The following SLC25A31 variants were observed in gnomAD, a reference collection of about 807,000 sequenced individuals.
SLC25A31 encodes ADP/ATP translocase 4.
In SLC25A31, 40 loss-of-function variants were observed where a neutral mutation model predicts 36.2. The observed-to-expected ratio is 1.10, with a 90% CI of 0.86 to 1.44. The LOEUF (loss-of-function observed/expected upper bound fraction) is 1.44, where lower values mean the gene tolerates loss of function less well. SLC25A31 is among the 40% of genes most tolerant of loss of function. The pLI is 0.00. For missense variants in SLC25A31, 350 were observed against 397.1 expected, an observed-to-expected ratio of 0.88 and a Z score of 1.01; for synonymous variants, 143 against 149.7, an observed-to-expected ratio of 0.96 and a Z score of 0.32.
intron 2 of SLC25A31, among the ~76,000 whole-genome samples, chr4:127,762,006 A>G (rs1578668865): frequency 6.6e-6 from 1 of 152,220 alleles, no homozygotes; most frequent in Non-Finnish European, 1.5e-5. Flanking sequence ...TGCTTATACA[A>G]TAAAACTGAT....
Position 127,744,686 on chromosome 4 carries a change from T to G in SLC25A31, c.247T>G (p.Trp83Gly), listed in dbSNP as rs1221696274. Residue 83 changes from tryptophan (W) to glycine (G), a missense_variant, in exon 2 of 6, where the codon TGG (tryptophan) becomes GGG (glycine). Coordinates refer to ENST00000281154, the MANE Select transcript of SLC25A31 (RefSeq NM_031291.4). ...TCCCTCTGTAGGTTTCTTCAGTTTT[T>G]GGCGTGGCAATTTGGCAAATGTTAT... Reference protein sequence around the residue: ...IPREQGFFSFWRGNLANVIRY... With the variant: ...IPREQGFFSFGRGNLANVIRY... 1.3e-5 allele frequency: 21 copies of G among 1,598,470 alleles called. No individual in the cohort carries two copies. Among genetic ancestry groups the G allele is most frequent in the Non-Finnish European group, 1.7e-5 (20 of 1,173,154 alleles).
chr4:127,756,755 T>C (rs1732039436), intron 2 of SLC25A31, among the ~76,000 whole-genome samples: 1 of 152,140 alleles, frequency 6.6e-6, no homozygotes, highest in Admixed American at 6.5e-5. Flanking sequence ...ACCGAAAAAT[T>C]TTTTTAAGTC....
Position 127,730,517 on chromosome 4 carries a change from T to C in SLC25A31, c.-29T>C. On this transcript the variant is annotated 5_prime_UTR_variant, in exon 1 of 6. Transcript: ENST00000281154. ...AGCTCCCGTACTCATTTTTAGCCAC[T>C]GCTGCCGGTTTTTATATCCTTCTCC... 1 of 1,603,594 alleles carries C rather than the reference T, an allele frequency of 6.2e-7. No individual in the cohort carries two copies. Among genetic ancestry groups the C allele is most frequent in the Non-Finnish European group, 8.5e-7 (1 of 1,171,234 alleles).
intron 2 of SLC25A31, among the ~76,000 whole-genome samples, chr4:127,753,577 C>A (rs7668793): frequency 6.6e-6 from 1 of 151,994 alleles, no homozygotes; most frequent in Non-Finnish European, 1.5e-5. Flanking sequence ...ATTATGTAGC[C>A]TGGAAGAAAT....
rs1416784316 is a variant in SLC25A31 at position 127,771,853 on chromosome 4, CT to C, written c.760-1526del. Among the ~76,000 whole-genome samples, 5 of 152,246 alleles carry C rather than the reference CT, an allele frequency of 3.3e-5. No homozygotes were observed. In the South Asian group the frequency reaches 6.2e-4, roughly 19 times the overall value. ...TCTGTATCTGCTGAGATGATTAAAC[CT>C]TTTTTTCTTTTAATATGTTTACATA... On this transcript the variant is annotated intron_variant, in intron 5 of 5. Transcript: ENST00000281154.
chr4:127,764,220 A>G, intron 2 of SLC25A31, 23 bp from the exon 3 acceptor site: 1 of 1,591,072 alleles, frequency 6.3e-7, no homozygotes, highest in South Asian at 1.1e-5. Flanking sequence ...TTTAATAACC[A>G]CTTTTAAATT....
intron 1 of SLC25A31, among the ~76,000 whole-genome samples, chr4:127,732,944 T>C (rs1731557059): frequency 6.6e-6 from 1 of 152,258 alleles, no homozygotes; most frequent in Admixed American, 6.5e-5. Context: ...TTAAACGTCC[T>C]GCTGCTATAT....
intron 2 of SLC25A31, among the ~76,000 whole-genome samples, chr4:127,747,206 T>A (rs1025852194): frequency 1.1e-4 from 16 of 152,220 alleles, no homozygotes; most frequent in Non-Finnish European, 2.4e-4. Context: ...TTGGGTAACA[T>A]GATACCTCTA....
intron 2 of SLC25A31, among the ~76,000 whole-genome samples, chr4:127,749,143 C>T (rs1731876637): frequency 6.6e-6 from 1 of 150,456 alleles, no homozygotes; most frequent in Admixed American, 6.6e-5. Context: ...ACTGAAAAAG[C>T]TCAGTAGAGA....
intron 4 of SLC25A31, among the ~76,000 whole-genome samples, chr4:127,768,132 A>G (rs1732280796): frequency 6.6e-6 from 1 of 151,982 alleles, no homozygotes; most frequent in Admixed American, 6.5e-5. Context: ...AATTAATATC[A>G]GTATTATTTA....
intron 1 of SLC25A31, among the ~76,000 whole-genome samples, chr4:127,735,295 G>T (rs1396753473): frequency 6.6e-6 from 1 of 152,152 alleles, no homozygotes; most frequent in African/African-American, 2.4e-5. Context: ...TGAGATAATA[G>T]TAAATGGTGG....
At position 127,735,875 on chromosome 4, in the gene SLC25A31, TA is replaced by T. The variant is rs1560630388; in HGVS notation, c.232+5099del. The stretch of plus-strand genomic sequence containing the variant: ...ATGCCTAACATTCTTTTATTTTATT[TA>T]TTTATTTATTTATTTATTTATTTTT... On this transcript the variant is annotated intron_variant, in intron 1 of 5. Transcript: ENST00000281154. Among the ~76,000 whole-genome samples the T allele has an allele frequency of 4.3e-3, 331 of 77,870 alleles. 1 individual carries two copies. The highest frequency in any genetic ancestry group is 0.013 in the African/African-American group (304 of 23,490). 51.1% of individuals were successfully genotyped at this position (77,870 alleles called of 152,430 possible).
At chr4:127,762,171 A>C (rs1429871958) in intron 2 of SLC25A31, among the ~76,000 whole-genome samples, 1 of 152,222 alleles carries the variant, frequency 6.6e-6, no homozygotes, top group Non-Finnish European at 1.5e-5. Flanking sequence ...TCTTGGCCTC[A>C]AACAAATGGA....
rs1731758135 is a variant in SLC25A31 at position 127,742,950 on chromosome 4, A to G, written c.233-1722A>G. Among the ~76,000 whole-genome samples, 2 of 152,034 alleles carry G rather than the reference A, an allele frequency of 1.3e-5. 1 individual carries two copies. The highest frequency in any genetic ancestry group is 1.3e-4 in the Admixed American group (2 of 15,252). On this transcript the variant is annotated intron_variant, in intron 1 of 5. Transcript: ENST00000281154. ...GAACTTTTTCATTATCTTCCTGTTC[A>G]AAAATTGTTACAGCAGTTTCTTTTT...
chr4:127,771,119 G>A (rs1732351499), intron 5 of SLC25A31, among the ~76,000 whole-genome samples: 1 of 151,740 alleles, frequency 6.6e-6, no homozygotes, highest in Non-Finnish European at 1.5e-5. Flanking sequence ...GCCACACCCA[G>A]CTAATTTTTT....
intron 2 of SLC25A31, among the ~76,000 whole-genome samples, chr4:127,749,829 A>G (rs1013312594): frequency 2.6e-5 from 4 of 152,112 alleles, no homozygotes; most frequent in Non-Finnish European, 4.4e-5. Flanking sequence ...TGAAGCCAGG[A>G]GTTTGAGACA....
chr4:127,740,468 A>G (rs1731712134), intron 1 of SLC25A31, among the ~76,000 whole-genome samples: 1 of 152,212 alleles, frequency 6.6e-6, no homozygotes, highest in Admixed American at 6.5e-5. Context: ...GCCAGTAGAT[A>G]GCATGTACAG....
rs542170982 is a variant in SLC25A31 at position 127,730,937 on chromosome 4, A to T, written c.232+160A>T. ...TACCCTTCCAGAATTTAGTTTCTGA[A>T]CCTAACAGGCTCTGCTTTTCCAGGG... On this transcript the variant is annotated intron_variant, in intron 1 of 5. Transcript: ENST00000281154. Among the ~76,000 whole-genome samples the T allele has an allele frequency of 1.6e-4, 24 of 152,288 alleles. No homozygotes were observed. In the Middle Eastern group the frequency reaches 0.014, roughly 86 times the overall value.
rs1194224296 is a variant in SLC25A31 at position 127,774,182 on chromosome 4, A to G, written c.*608A>G. ...TAAAATGGCTTATCTGCTGATGTTTATCTTTAAAATAAATAAAATCTTGCT... is the reference window on the plus strand; with the variant it reads ...TAAAATGGCTTATCTGCTGATGTTTGTCTTTAAAATAAATAAAATCTTGCT... On this transcript the variant is annotated 3_prime_UTR_variant, in exon 6 of 6. Coordinates refer to ENST00000281154, the MANE Select transcript of SLC25A31 (RefSeq NM_031291.4). 6.6e-6 allele frequency: 1 copy of G among 152,236 alleles called. No homozygotes were observed. Among genetic ancestry groups the G allele is most frequent in the African/African-American group, 2.4e-5 (1 of 41,462 alleles). The allele number at this position is 152,236 out of a possible 1,614,324, so 9.4% of individuals were successfully genotyped here.
Sources: gnomAD v4.1 joint callset for allele counts (sites outside exome capture counted in the v4.1 genomes callset) on GRCh38, gnomAD v4.1.1 for gene constraint, MANE v1.5 for transcripts, NCBI Gene and HGNC (gene_info 2026-07-23, HGNC 2026-07-21) for gene names.